Variants in LDB2 observed in about 807,000 individuals in gnomAD.
LDB2 encodes LIM domain binding 2, also known as LIM domain-binding protein 2.
A neutral mutation model predicts 44.3 loss-of-function variants in LDB2; 12 were observed. The ratio of observed to expected loss-of-function variants is 0.27; its 90% CI spans 0.17 to 0.44. The LOEUF is 0.44. Among genes scored for constraint, LDB2 ranks in the 20% least tolerant of loss-of-function variants. The pLI, the probability that LDB2 is intolerant of heterozygous loss-of-function variation, is 1.00. For missense variants in LDB2, 344 were observed against 473.5 expected, an observed-to-expected ratio of 0.73 and a Z score of 2.54; for synonymous variants, 164 against 174.8, an observed-to-expected ratio of 0.94 and a Z score of 0.49.
rs563332677 is a variant in LDB2 at position 16,820,359 on chromosome 4, A to G, written c.133-61099T>C. 5.4e-4 allele frequency among the ~76,000 whole-genome samples: 82 copies of G among 152,312 alleles called. 1 individual carries two copies. Among genetic ancestry groups the G allele is most frequent in the African/African-American group, 1.9e-3 (77 of 41,570 alleles). On this transcript the variant is annotated intron_variant, in intron 1 of 7. Transcript: ENST00000304523. Reference sequence around the variant, plus strand: ...CTCACTGCTCTTGTTATTGGTGAACAAGAGCAGGTTCCCTGGAGTTTACAG... The same window carrying G: ...CTCACTGCTCTTGTTATTGGTGAACGAGAGCAGGTTCCCTGGAGTTTACAG...
At chr4:16,823,855 A>C (rs1386598077) in intron 1 of LDB2, among the ~76,000 whole-genome samples, 2 of 152,250 alleles carry the variant, frequency 1.3e-5, no homozygotes, top group African/African-American at 4.8e-5. Flanking sequence ...TAATTATGCC[A>C]GCTGATCACT....
intron 2 of LDB2, among the ~76,000 whole-genome samples, chr4:16,614,380 T>C (rs1726531522): frequency 6.6e-6 from 1 of 151,906 alleles, no homozygotes; most frequent in South Asian, 2.1e-4. Context: ...ATGACAAAAA[T>C]GCCAAAAGCA....
chr4:16,782,998 CCT>C (rs770917552), intron 1 of LDB2, among the ~76,000 whole-genome samples: 11 of 152,064 alleles, frequency 7.2e-5, no homozygotes, highest in Middle Eastern at 3.4e-3. Context: ...CTGGGAAAGA[CCT>C]CTCTCTCTCC....
chr4:16,719,716 G>A (rs925892559), intron 2 of LDB2, among the ~76,000 whole-genome samples: 2 of 152,068 alleles, frequency 1.3e-5, no homozygotes, highest in East Asian at 1.9e-4. Flanking sequence ...CCCAGGTAAT[G>A]CATTTATAAG....
intron 5 of LDB2, among the ~76,000 whole-genome samples, chr4:16,569,429 T>C (rs2152395809): frequency 6.6e-6 from 1 of 152,242 alleles, no homozygotes; most frequent in African/African-American, 2.4e-5. Context: ...TATGCTATGA[T>C]TGGCCAAGAA....
intron 2 of LDB2, among the ~76,000 whole-genome samples, chr4:16,730,747 ATCT>A (rs1261340529): frequency 6.6e-6 from 1 of 152,172 alleles, no homozygotes; most frequent in Non-Finnish European, 1.5e-5. Flanking sequence ...CAATAGTTTC[ATCT>A]TCTCTCATAG....
intron 1 of LDB2, among the ~76,000 whole-genome samples, chr4:16,863,465 C>T (rs1713431923): frequency 6.6e-6 from 1 of 152,112 alleles, no homozygotes; most frequent in African/African-American, 2.4e-5. Flanking sequence ...GGGAGCAAAC[C>T]ATTTTGAGAA....
intron 5 of LDB2, among the ~76,000 whole-genome samples, chr4:16,576,268 AAAC>A (rs1263860997): frequency 6.6e-6 from 1 of 152,178 alleles, no homozygotes; most frequent in Non-Finnish European, 1.5e-5. Context: ...AAAATGAAGA[AAAC>A]AATGCAAAAG....
chr4:16,815,193 C>T (rs567753908), intron 1 of LDB2, among the ~76,000 whole-genome samples: 1 of 152,332 alleles, frequency 6.6e-6, no homozygotes, highest in African/African-American at 2.4e-5. Context: ...TAAAATCCCA[C>T]TGGATTTAGA....
At chr4:16,508,049 A>G (rs140268022) in intron 7 of LDB2, among the ~76,000 whole-genome samples, 1,892 of 152,278 alleles carry the variant, frequency 0.012, 39 homozygotes, top group African/African-American at 0.043. Context: ...TCACTGAGCT[A>G]CATGTTTAGT....
chr4:16,594,179 A>C (rs957117220), intron 3 of LDB2, among the ~76,000 whole-genome samples: 1 of 152,132 alleles, frequency 6.6e-6, no homozygotes, highest in African/African-American at 2.4e-5. Context: ...AAAAGAAAAA[A>C]AAAACCAATA....
intron 1 of LDB2, among the ~76,000 whole-genome samples, chr4:16,813,160 A>G (rs1179645103): frequency 6.6e-6 from 1 of 151,930 alleles, no homozygotes; most frequent in Non-Finnish European, 1.5e-5. Flanking sequence ...TAATTTTTGT[A>G]ATTTCAGTAG....
rs1310756163 is a variant in LDB2 at position 16,659,689 on chromosome 4, A to ATATATATATATATATATATATATG, written c.236-63815_236-63814insCATATATATATATATATATATATA. On this transcript the variant is annotated intron_variant, in intron 2 of 7. Coordinates refer to ENST00000304523, the MANE Select transcript of LDB2 (RefSeq NM_001290.5). The stretch of plus-strand genomic sequence containing the variant: ...TATGTGTGTATATATATATATATAT[A>ATATATATATATATATATATATATG]TATGTATGTATGTATATATGTAACA... 8.0e-3 allele frequency among the ~76,000 whole-genome samples: 1,113 copies of ATATATATATATATATATATATATG among 139,646 alleles called. 10 individuals carry two copies. The highest frequency in any genetic ancestry group is 0.015 in the East Asian group (64 of 4,280). 91.6% of individuals were successfully genotyped at this position (139,646 alleles called of 152,430 possible). A position where few individuals can be genotyped will look rare whatever the true frequency, so the allele number is the denominator to read the frequency against.
intron 2 of LDB2, among the ~76,000 whole-genome samples, chr4:16,601,335 G>GT (rs1240048532): frequency 1.3e-5 from 2 of 152,134 alleles, no homozygotes; most frequent in South Asian, 2.1e-4. Context: ...ATCATCTAAT[G>GT]TAAGACTTTT....
chr4:16,576,027 A>G (rs1274079134), intron 5 of LDB2, among the ~76,000 whole-genome samples: 2 of 152,260 alleles, frequency 1.3e-5, no homozygotes, highest in African/African-American at 4.8e-5. Context: ...GGCGTGAGCC[A>G]GAAACATCTT....
chr4:16,545,241 C>G (rs534996948), intron 5 of LDB2, among the ~76,000 whole-genome samples: 5 of 150,040 alleles, frequency 3.3e-5, no homozygotes, highest in Admixed American at 2.0e-4. Flanking sequence ...TTCCTTCTGT[C>G]TTTCAGTTTC....
At position 16,502,562 on chromosome 4, in the gene LDB2, T is replaced by C; in HGVS notation, c.*81A>G. The C allele has an allele frequency of 6.4e-7, 1 of 1,551,172 alleles. No individual in the cohort carries two copies. Among genetic ancestry groups the C allele is most frequent in the Non-Finnish European group, 8.8e-7 (1 of 1,131,794 alleles). ...CATGGAAAAGTTTTTATCTCTTCTGTTTCCTCTCCTGTAAGTAAAGATTTG... is the reference window on the plus strand; with the variant it reads ...CATGGAAAAGTTTTTATCTCTTCTGCTTCCTCTCCTGTAAGTAAAGATTTG... On this transcript the variant is annotated 3_prime_UTR_variant, in exon 8 of 8. Coordinates refer to ENST00000304523, the MANE Select transcript of LDB2 (RefSeq NM_001290.5).
rs75238099 is a variant in LDB2, at chr4:16,569,680, G to T, written c.615+16242C>A. On this transcript the variant is annotated intron_variant, in intron 5 of 7. Transcript: ENST00000304523. The stretch of plus-strand genomic sequence containing the variant: ...CATCCCTCCATCCATCCATCCATCC[G>T]TCCATCCATCCATCCAGCTGCTTGG... 4.9e-3 allele frequency among the ~76,000 whole-genome samples: 739 copies of T among 152,064 alleles called. 8 individuals are homozygous for T. The highest frequency in any genetic ancestry group is 0.017 in the African/African-American group (710 of 41,482).
intron 1 of LDB2, among the ~76,000 whole-genome samples, chr4:16,808,174 C>G (rs190324217): frequency 3.3e-5 from 5 of 152,144 alleles, no homozygotes; most frequent in Non-Finnish European, 7.4e-5. Flanking sequence ...TCTTCCGATA[C>G]GCCCCTCTGG....
Sources: allele counts gnomAD v4.1 joint callset (sites outside exome capture counted in the v4.1 genomes callset), GRCh38; gene constraint gnomAD v4.1.1; transcripts MANE v1.5; gene names NCBI Gene and HGNC (gene_info 2026-07-23, HGNC 2026-07-21).